TRAPPC9: variants seen among roughly 807,000 people sequenced by gnomAD.
TRAPPC9 encodes trafficking protein particle complex subunit 9, also known as IKK2 binding protein.
In TRAPPC9, 83 loss-of-function variants were observed where a neutral mutation model predicts 124.0. The ratio of observed to expected loss-of-function variants is 0.67; its 90% CI spans 0.56 to 0.80. The LOEUF is 0.80. Among genes scored for constraint, TRAPPC9 ranks in the 30% least tolerant of loss-of-function variants. TRAPPC9 has a pLI of 0.00. For missense variants in TRAPPC9, 1,302 were observed against 1,508.3 expected, an observed-to-expected ratio of 0.86 and a Z score of 2.27; for synonymous variants, 638 against 617.5, an observed-to-expected ratio of 1.03 and a Z score of -0.49.
intron 17 of TRAPPC9, among the ~76,000 whole-genome samples, chr8:140,132,938 AG>A (rs552371430): frequency 2.6e-3 from 393 of 152,366 alleles, no homozygotes; most frequent in African/African-American, 8.6e-3. Context: ...CCTCCCTACC[AG>A]GAAGTCAAGG....
chr8:140,166,727 G>C (rs554575580), intron 17 of TRAPPC9, among the ~76,000 whole-genome samples: 134 of 152,232 alleles, frequency 8.8e-4, no homozygotes, highest in Non-Finnish European at 1.6e-3. Context: ...GAATGGGAGT[G>C]CTGGTTTCTA....
At chr8:140,283,548 C>T (rs557127583) in intron 14 of TRAPPC9, among the ~76,000 whole-genome samples, 14 of 151,556 alleles carry the variant, frequency 9.2e-5, no homozygotes, top group Admixed American at 1.3e-4. Flanking sequence ...CCACCCGCCT[C>T]GGTCTTCAAA....
At chr8:140,217,965 C>T (rs1264093696) in intron 17 of TRAPPC9, among the ~76,000 whole-genome samples, 4 of 151,686 alleles carry the variant, frequency 2.6e-5, no homozygotes, top group African/African-American at 7.3e-5. Context: ...TGCAGTGAGC[C>T]GAGATCGCGC....
chr8:140,298,459 C>G (rs1197978848), intron 11 of TRAPPC9, among the ~76,000 whole-genome samples: 1 of 152,116 alleles, frequency 6.6e-6, no homozygotes, highest in African/African-American at 2.4e-5. Context: ...TCGAGACCAG[C>G]CTGGGCAACA....
intron 17 of TRAPPC9, among the ~76,000 whole-genome samples, chr8:140,203,856 G>T (rs2062853225): frequency 7.1e-6 from 1 of 140,710 alleles, no homozygotes; most frequent in Non-Finnish European, 1.6e-5. Flanking sequence ...TCACACATGA[G>T]GCCAAGGTAT....
chr8:139,836,228 C>T (rs1432838204), intron 21 of TRAPPC9, among the ~76,000 whole-genome samples: 3 of 152,114 alleles, frequency 2.0e-5, no homozygotes, highest in East Asian at 1.9e-4. Flanking sequence ...AAGCTGGTCT[C>T]GAATTCCTGA....
At chr8:140,288,252 A>C (rs1302885866) in intron 12 of TRAPPC9, among the ~76,000 whole-genome samples, 1 of 152,180 alleles carries the variant, frequency 6.6e-6, no homozygotes, top group African/African-American at 2.4e-5. Flanking sequence ...CTGAGGTGGG[A>C]TGATCACCCG....
intron 17 of TRAPPC9, chr8:140,098,416 G>A (rs2060497041): frequency 2.7e-5 from 4 of 149,808 alleles, no homozygotes; most frequent in Admixed American, 2.7e-4. Flanking sequence ...ACTCAGCTAG[G>A]TCTTCAAGCG....
intron 17 of TRAPPC9, among the ~76,000 whole-genome samples, chr8:140,194,920 C>G (rs2062601309): frequency 1.3e-5 from 2 of 152,036 alleles, no homozygotes; most frequent in African/African-American, 4.8e-5. Context: ...CTATACAGCT[C>G]ACACCTGTGA....
chr8:140,103,049 T>C (rs1270863424), intron 17 of TRAPPC9, among the ~76,000 whole-genome samples: 2 of 151,998 alleles, frequency 1.3e-5, no homozygotes, highest in Admixed American at 1.3e-4. Flanking sequence ...GGAATTCCAC[T>C]AGCAGAAGGA....
At chr8:140,300,731 T>C in intron 10 of TRAPPC9, 117 bp from the exon 11 acceptor site, 1 of 1,326,828 alleles carries the variant, frequency 7.5e-7, no homozygotes, top group Non-Finnish European at 1.1e-6. Context: ...GGAAGATAAA[T>C]GGAGGGAGGA....
intron 21 of TRAPPC9, among the ~76,000 whole-genome samples, chr8:139,770,430 A>G (rs1305843736): frequency 1.3e-5 from 2 of 152,204 alleles, no homozygotes; most frequent in Non-Finnish European, 2.9e-5. Context: ...GGGATTCACA[A>G]TGGGAGTGTC....
chr8:140,404,101 A>G (rs2069384745), intron 6 of TRAPPC9, among the ~76,000 whole-genome samples: 1 of 152,350 alleles, frequency 6.6e-6, no homozygotes, highest in Non-Finnish European at 1.5e-5. Context: ...AGAAATAAAT[A>G]ATAATCAGTA....
intron 17 of TRAPPC9, among the ~76,000 whole-genome samples, chr8:140,195,491 C>T (rs557840934): frequency 3.3e-5 from 5 of 149,910 alleles, no homozygotes; most frequent in South Asian, 2.1e-4. Flanking sequence ...TCCACCATAC[C>T]GCTCACATCT....
chr8:139,808,790 G>C (rs1334680162), intron 21 of TRAPPC9, among the ~76,000 whole-genome samples: 4 of 152,142 alleles, frequency 2.6e-5, no homozygotes, highest in African/African-American at 9.7e-5. Context: ...ACATATATTA[G>C]TACTTTGTTC....
chr8:139,891,660 TATC>T (rs1475277810), intron 20 of TRAPPC9, among the ~76,000 whole-genome samples: 2 of 152,156 alleles, frequency 1.3e-5, no homozygotes, highest in East Asian at 1.9e-4. Flanking sequence ...ATCCATGAGT[TATC>T]ATCAAACTCG....
chr8:140,346,400 G>C (rs774533597), intron 9 of TRAPPC9, among the ~76,000 whole-genome samples: 1 of 152,202 alleles, frequency 6.6e-6, no homozygotes, highest in African/African-American at 2.4e-5. Context: ...CTCCTGTGCA[G>C]ATTTTCCAGC....
chr8:139,798,670 GTA>G (rs1344223282), intron 21 of TRAPPC9, among the ~76,000 whole-genome samples: 1 of 152,200 alleles, frequency 6.6e-6, no homozygotes, highest in Non-Finnish European at 1.5e-5. Flanking sequence ...GGAAGAGCTG[GTA>G]TGCCAGTGGT....
rs147121574 is a variant in TRAPPC9, at chr8:140,291,871, G to A, written c.1769-793C>T. On this transcript the variant is annotated intron_variant, in intron 11 of 22. Transcript: ENST00000438773. ...TGAAAGCAGCACCGGCAGACAGCTG[G>A]CAAGAGAACGGGGATCACAGGAAAT... 4.3e-4 allele frequency among the ~76,000 whole-genome samples: 66 copies of A among 152,326 alleles called. No individual in the cohort carries two copies. In the East Asian group the frequency reaches 0.013, roughly 29 times the overall value.
Sources: gnomAD v4.1 joint callset for allele counts (sites outside exome capture counted in the v4.1 genomes callset) on GRCh38, gnomAD v4.1.1 for gene constraint, MANE v1.5 for transcripts, NCBI Gene and HGNC (gene_info 2026-07-23, HGNC 2026-07-21) for gene names.